SPECC1: variants seen among roughly 807,000 people sequenced by gnomAD.
SPECC1 encodes cytospin-B.
In SPECC1, 62 loss-of-function variants were observed where a neutral mutation model predicts 104.1. The ratio of observed to expected loss-of-function variants is 0.60; its 90% CI spans 0.49 to 0.74. The LOEUF (loss-of-function observed/expected upper bound fraction) is 0.74, where lower values mean the gene tolerates loss of function less well. Ranked by LOEUF, SPECC1 falls within the 30% of genes least tolerant of loss-of-function variation. The pLI, the probability that SPECC1 is intolerant of heterozygous loss-of-function variation, is 0.00. For missense variants in SPECC1, 1,306 were observed against 1,310.5 expected, an observed-to-expected ratio of 1.00 and a Z score of 0.05; for synonymous variants, 513 against 501.6, an observed-to-expected ratio of 1.02 and a Z score of -0.30.
At chr17:20,095,378 A>G (rs1354470744) in intron 1 of SPECC1, among the ~76,000 whole-genome samples, 4 of 152,206 alleles carry the variant, frequency 2.6e-5, no homozygotes, top group African/African-American at 7.2e-5. Flanking sequence ...CGCCGCCTTT[A>G]AAGGAGTGTT....
intron 12 of SPECC1, among the ~76,000 whole-genome samples, chr17:20,264,455 G>A (rs1016946763): frequency 6.2e-5 from 8 of 129,722 alleles, no homozygotes; most frequent in Admixed American, 3.4e-4. Context: ...TTTTGGAGAC[G>A]GATTTTTTTT....
At chr17:20,104,276 G>T (rs2048081150) in intron 2 of SPECC1, among the ~76,000 whole-genome samples, 1 of 152,180 alleles carries the variant, frequency 6.6e-6, no homozygotes. Context: ...TCCTTCTTCA[G>T]CTAATCAGCC....
At chr17:20,130,378 TA>T (rs914562075) in intron 3 of SPECC1, among the ~76,000 whole-genome samples, 1 of 151,920 alleles carries the variant, frequency 6.6e-6, no homozygotes, top group African/African-American at 2.4e-5. Flanking sequence ...CTACAAGAAA[TA>T]AAAAAATTAG....
At chr17:20,138,437 G>C (rs544243357) in intron 3 of SPECC1, among the ~76,000 whole-genome samples, 2 of 152,280 alleles carry the variant, frequency 1.3e-5, no homozygotes, top group South Asian at 4.1e-4. Flanking sequence ...CTGTGGGTTT[G>C]AATGAATGTA....
intron 12 of SPECC1, among the ~76,000 whole-genome samples, chr17:20,264,755 C>T (rs2040161377): frequency 6.6e-6 from 1 of 151,888 alleles, no homozygotes. Context: ...TACAGGTTCA[C>T]ACCTGTAATA....
chr17:20,023,530 G>C (rs1393851888), intron 1 of SPECC1, among the ~76,000 whole-genome samples: 1 of 152,118 alleles, frequency 6.6e-6, no homozygotes, highest in Non-Finnish European at 1.5e-5. Context: ...GGCAGCAGGG[G>C]TTGGGAGCAG....
At chr17:20,246,987 T>A (rs868201335) in intron 8 of SPECC1, among the ~76,000 whole-genome samples, 3 of 152,206 alleles carry the variant, frequency 2.0e-5, no homozygotes, top group Non-Finnish European at 4.4e-5. Context: ...TTATACAGTT[T>A]CTTTTTGCTC....
At chr17:20,124,858 G>C (rs1280412460) in intron 3 of SPECC1, among the ~76,000 whole-genome samples, 1 of 152,156 alleles carries the variant, frequency 6.6e-6, no homozygotes, top group Non-Finnish European at 1.5e-5. Flanking sequence ...TTAGATTGGT[G>C]CAAAAAAGTA....
At chr17:20,276,137 G>T (rs1445778106) in intron 12 of SPECC1, among the ~76,000 whole-genome samples, 1 of 151,754 alleles carries the variant, frequency 6.6e-6, no homozygotes, top group Admixed American at 6.6e-5. Flanking sequence ...TTCCCCCAGA[G>T]TTGGAGTCTT....
At chr17:20,238,952 T>C in intron 7 of SPECC1, 1 of 1,039,918 alleles carries the variant, frequency 9.6e-7, no homozygotes, top group Non-Finnish European at 1.2e-6. Flanking sequence ...TGTCGTTTTG[T>C]TCTACATTTT....
intron 12 of SPECC1, among the ~76,000 whole-genome samples, chr17:20,288,385 GA>G (rs202238388): frequency 0.015 from 2,231 of 149,040 alleles, 35 homozygotes; most frequent in African/African-American, 0.048. Context: ...AAATTTAGAA[GA>G]AAAAAAAACA....
intron 3 of SPECC1, chr17:20,111,776 G>T: frequency 1.3e-6 from 1 of 755,424 alleles, no homozygotes; most frequent in South Asian, 1.4e-5. Flanking sequence ...GAGGAGGATC[G>T]GGTGGGAGGG....
rs1340879590 is a variant in SPECC1, at chr17:20,209,240, C to T, written c.1863+3328C>T. 2.6e-5 allele frequency among the ~76,000 whole-genome samples: 4 copies of T among 152,144 alleles called. No homozygotes were observed. In the East Asian group the frequency reaches 7.7e-4, roughly 29 times the overall value. On this transcript the variant is annotated intron_variant, in intron 4 of 14. Coordinates refer to ENST00000395527, the MANE Select transcript of SPECC1 (RefSeq NM_001243439.2). The stretch of plus-strand genomic sequence containing the variant: ...GTATCGGAGTAACTGTCCTGTTGAG[C>T]ACCAAGCAACAACGTGTACCCCATG...
chr17:20,285,060 C>T (rs1181126278), intron 12 of SPECC1, among the ~76,000 whole-genome samples: 1 of 152,182 alleles, frequency 6.6e-6, no homozygotes, highest in African/African-American at 2.4e-5. Flanking sequence ...GAATTTAGCA[C>T]AGTACACAAT....
rs1241508236 is a variant in SPECC1 at position 20,246,067 on chromosome 17, C to T, written c.2493C>T (p.Arg831=). 1 of 1,613,852 alleles carries T rather than the reference C, an allele frequency of 6.2e-7. No homozygotes were observed. Among genetic ancestry groups the T allele is most frequent in the Non-Finnish European group, 8.5e-7 (1 of 1,179,862 alleles). ...KSLIKSFDLG[R]PGGAGQNISV... is the part of the protein sequence containing the mutation. ...TTATCAAGTCATTTGACTTGGGACG[C>T]CCAGGTATTTAATCATTTTTTCTAT... The change falls in exon 8 of 15, where the codon CGC becomes CGT. Residue 831 remains arginine, a synonymous_variant. Transcript: ENST00000395527.
At chr17:20,205,982 TCA>T in intron 4 of SPECC1, 70 bp downstream of exon 4, 1 of 1,523,980 alleles carries the variant, frequency 6.6e-7, no homozygotes, top group Non-Finnish European at 8.8e-7. Context: ...ACCTCTAAAT[TCA>T]CAGAGCACAG....
intron 1 of SPECC1, among the ~76,000 whole-genome samples, chr17:20,080,115 C>A (rs2046908878): frequency 6.6e-6 from 1 of 152,050 alleles, no homozygotes; most frequent in African/African-American, 2.4e-5. Flanking sequence ...GACTTAACCG[C>A]AAGTGAGAAA....
At chr17:20,142,204 G>A (rs757970769) in intron 3 of SPECC1, among the ~76,000 whole-genome samples, 4 of 152,138 alleles carry the variant, frequency 2.6e-5, no homozygotes, top group Non-Finnish European at 5.9e-5. Context: ...TTTTTGGTAA[G>A]GAAAATTACA....
chr17:20,048,918 CAT>C (rs1334486624), intron 1 of SPECC1, among the ~76,000 whole-genome samples: 4 of 151,894 alleles, frequency 2.6e-5, no homozygotes, highest in Non-Finnish European at 5.9e-5. Flanking sequence ...AATTCCCAGA[CAT>C]ATCGCTTAAA....
Sources: allele counts gnomAD v4.1 joint callset (sites outside exome capture counted in the v4.1 genomes callset), GRCh38; gene constraint gnomAD v4.1.1; transcripts MANE v1.5; gene names NCBI Gene and HGNC (gene_info 2026-07-23, HGNC 2026-07-21).